The following NEDD4 variants were observed in gnomAD, a reference collection of about 807,000 sequenced individuals.
NEDD4 encodes NEDD4 E3 ubiquitin protein ligase.
A neutral mutation model predicts 144.9 loss-of-function variants in NEDD4; 99 were observed. The observed-to-expected ratio is 0.68, with a 90% CI of 0.58 to 0.81. The LOEUF (loss-of-function observed/expected upper bound fraction) is 0.81. Among genes scored for constraint, NEDD4 ranks in the 30% least tolerant of loss-of-function variants. The pLI is 0.00. For synonymous variants in NEDD4, 318 were observed against 350.6 expected (o/e 0.91, Z 1.04); for missense variants, 985 against 1,065.9 (o/e 0.92, Z 1.06).
chr15:55,919,481 C>T (rs151074707), intron 5 of NEDD4, among the ~76,000 whole-genome samples: 227 of 152,286 alleles, frequency 1.5e-3, no homozygotes, highest in African/African-American at 5.1e-3. Context: ...GGAGGCTGAA[C>T]AATTTGCATT....
At position 55,873,958 on chromosome 15, in the gene NEDD4, C is replaced by T. The variant is rs1453984802; in HGVS notation, c.342G>A (p.Pro114=). 18 of 1,534,144 alleles carry T rather than the reference C, an allele frequency of 1.2e-5. No homozygotes were observed. The highest frequency in any genetic ancestry group is 2.7e-5 in the African/African-American group (2 of 72,766). ...GAAAATCATGGACACCTATACCAAC[C>T]GGTAATGGATAAAGTGGAACATCCA... is the stretch of plus-strand genomic sequence containing the variant. ...GQVDVPLYPL[P]TENPRLERPY... The change falls in exon 6 of 29, where the codon CCG becomes CCA. Residue 114 remains proline (P), a splice_region_variant and synonymous_variant. Coordinates refer to ENST00000435532, the MANE Select transcript of NEDD4 (RefSeq NM_006154.4).
intron 4 of NEDD4, among the ~76,000 whole-genome samples, chr15:55,940,392 T>C (rs2036975608): frequency 6.6e-6 from 1 of 152,178 alleles, no homozygotes; most frequent in South Asian, 2.1e-4. Flanking sequence ...GCTTTTTCTA[T>C]ATGAACTATA....
chr15:55,944,579 A>C (rs1413868509), intron 4 of NEDD4, among the ~76,000 whole-genome samples: 1 of 152,238 alleles, frequency 6.6e-6, no homozygotes, highest in Non-Finnish European at 1.5e-5. Context: ...AACAAAATGC[A>C]GCAGAAACTT....
intron 24 of NEDD4, among the ~76,000 whole-genome samples, chr15:55,835,359 T>C (rs1336924600): frequency 6.6e-6 from 1 of 152,136 alleles, no homozygotes; most frequent in Non-Finnish European, 1.5e-5. Flanking sequence ...CTCTGTCTAC[T>C]CTTGATACCT....
chr15:55,906,988 G>A (rs926061250), intron 5 of NEDD4, among the ~76,000 whole-genome samples: 2 of 151,860 alleles, frequency 1.3e-5, no homozygotes, highest in South Asian at 2.1e-4. Flanking sequence ...CCAGCTGCTC[G>A]GGAGGCCAAG....
At chr15:55,967,796 G>T (rs1345067531) in intron 1 of NEDD4, among the ~76,000 whole-genome samples, 3 of 152,064 alleles carry the variant, frequency 2.0e-5, no homozygotes, top group African/African-American at 7.2e-5. Context: ...CAACGTGAGA[G>T]AATTGCTTGA....
intron 11 of NEDD4, among the ~76,000 whole-genome samples, chr15:55,859,587 T>G (rs1357431592): frequency 6.6e-6 from 1 of 152,120 alleles, no homozygotes; most frequent in Non-Finnish European, 1.5e-5. Flanking sequence ...ATCTCAGCTA[T>G]TCAGGAGGCT....
At chr15:55,910,035 T>C (rs1234421380) in intron 5 of NEDD4, among the ~76,000 whole-genome samples, 1 of 152,360 alleles carries the variant, frequency 6.6e-6, no homozygotes, top group East Asian at 1.9e-4. Context: ...ACTTGCTTAT[T>C]CTATAGTTCC....
Position 55,841,804 on chromosome 15 carries a change from C to T in NEDD4, c.1838+130G>A, listed in dbSNP as rs543719296. ...GCTAGGATGGTCTCGATATCCTGAC[C>T]TTGTGATCCGCCCGCCTCGGCCTCC... On this transcript the variant is annotated intron_variant, in intron 19 of 28. Coordinates refer to ENST00000435532, the MANE Select transcript of NEDD4 (RefSeq NM_006154.4). 5.0e-5 allele frequency: 35 copies of T among 706,314 alleles called. No homozygotes were observed. The African/African-American group carries it at 5.5e-4, about 11-fold the overall frequency. The allele number at this position is 706,314 out of a possible 1,614,324, so 43.8% of individuals were successfully genotyped here.
chr15:55,833,252 G>A, intron 26 of NEDD4, 148 bp from the exon 27 acceptor site: 1 of 567,734 alleles, frequency 1.8e-6, no homozygotes, highest in Non-Finnish European at 3.1e-6. Context: ...GTTTATAGAT[G>A]GTTTATAAAG....
intron 15 of NEDD4, 32 bp from the exon 16 acceptor site, chr15:55,848,607 G>A (rs1326816887): frequency 6.3e-7 from 1 of 1,579,936 alleles, no homozygotes; most frequent in South Asian, 1.1e-5. Flanking sequence ...AATTATTTTA[G>A]GAGAGGGGCG....
chr15:55,922,462 G>A (rs558564094), intron 5 of NEDD4, among the ~76,000 whole-genome samples: 23 of 152,120 alleles, frequency 1.5e-4, no homozygotes, highest in African/African-American at 4.3e-4. Flanking sequence ...TCCTGGGTTC[G>A]GGCAAGTCTC....
intron 5 of NEDD4, among the ~76,000 whole-genome samples, chr15:55,891,484 T>C (rs1297179977): frequency 2.1e-4 from 32 of 152,224 alleles, no homozygotes; most frequent in Admixed American, 2.1e-3. Flanking sequence ...AGCCAACCAA[T>C]TGTTCCAAAT....
At chr15:55,930,546 G>A (rs2036759568) in intron 4 of NEDD4, among the ~76,000 whole-genome samples, 1 of 152,138 alleles carries the variant, frequency 6.6e-6, no homozygotes, top group South Asian at 2.1e-4. Flanking sequence ...AATTATTGAA[G>A]AAATTATTCA....
chr15:55,861,694 A>T (rs79390309), intron 9 of NEDD4, among the ~76,000 whole-genome samples: 14,047 of 152,046 alleles, frequency 0.092, 725 homozygotes, highest in Middle Eastern at 0.15. Context: ...AATTAAAATT[A>T]AAAAAAATCA....
At chr15:55,949,703 A>T (rs538005786) in intron 4 of NEDD4, among the ~76,000 whole-genome samples, 19 of 152,222 alleles carry the variant, frequency 1.2e-4, no homozygotes, top group African/African-American at 3.6e-4. Context: ...TCGCAGGGAC[A>T]AAAAACCAAA....
chr15:55,846,638 A>G (rs1403563326), intron 18 of NEDD4, among the ~76,000 whole-genome samples: 2 of 152,248 alleles, frequency 1.3e-5, no homozygotes, highest in African/African-American at 4.8e-5. Flanking sequence ...CTAGGCCAGA[A>G]GATAATTTCC....
At chr15:55,897,268 C>T (rs1249786430) in intron 5 of NEDD4, among the ~76,000 whole-genome samples, 1 of 152,172 alleles carries the variant, frequency 6.6e-6, no homozygotes, top group Non-Finnish European at 1.5e-5. Context: ...CCACTGCGCC[C>T]GGCCGATATG....
chr15:55,855,758 C>A (rs2034168726), intron 12 of NEDD4, among the ~76,000 whole-genome samples: 1 of 152,212 alleles, frequency 6.6e-6, no homozygotes, highest in Non-Finnish European at 1.5e-5. Context: ...GAAACCCTGG[C>A]TATTCTTCAT....
Sources: allele counts gnomAD v4.1 joint callset (sites outside exome capture counted in the v4.1 genomes callset), GRCh38; gene constraint gnomAD v4.1.1; transcripts MANE v1.5; gene names NCBI Gene and HGNC (gene_info 2026-07-23, HGNC 2026-07-21).